CAMTA1: variants seen among roughly 807,000 people sequenced by gnomAD.
The protein encoded by CAMTA1 is calmodulin binding transcription activator 1, also known as calmodulin-binding transcription activator 1.
Under a neutral mutation model 170.9 loss-of-function variants are expected in CAMTA1, and 27 were observed. The ratio of observed to expected loss-of-function variants is 0.16; its 90% CI spans 0.12 to 0.22. The LOEUF (loss-of-function observed/expected upper bound fraction) is 0.22, where lower values mean the gene tolerates loss of function less well. CAMTA1 is among the 10% of genes least tolerant of loss of function. The pLI is 1.00. For synonymous variants in CAMTA1, 833 were observed against 891.5 expected, an observed-to-expected ratio of 0.93 and a Z score of 1.17; for missense variants, 1,619 against 2,217.2, an observed-to-expected ratio of 0.73 and a Z score of 5.42.
chr1:7,670,798 G>A, intron 9 of CAMTA1, 113 bp from the exon 10 acceptor site: 3 of 1,198,606 alleles, frequency 2.5e-6, no homozygotes, highest in Non-Finnish European at 3.5e-6. Flanking sequence ...GAATCTGCAT[G>A]GGGCGAGGGG....
intron 5 of CAMTA1, among the ~76,000 whole-genome samples, chr1:7,464,115 T>C (rs1575464845): frequency 6.6e-6 from 1 of 152,200 alleles, no homozygotes; most frequent in African/African-American, 2.4e-5. Flanking sequence ...GATTCAAAGG[T>C]TGCTTTCATC....
intron 6 of CAMTA1, among the ~76,000 whole-genome samples, chr1:7,586,047 A>G (rs2150434717): frequency 6.6e-6 from 1 of 152,190 alleles, no homozygotes; most frequent in South Asian, 2.1e-4. Context: ...GGCAGTTCCC[A>G]AACAGACAAG....
At chr1:7,525,257 T>G (rs1301500510) in intron 6 of CAMTA1, among the ~76,000 whole-genome samples, 1 of 151,796 alleles carries the variant, frequency 6.6e-6, no homozygotes. Flanking sequence ...GGGAGCAGTG[T>G]GGTGGTCCTC....
chr1:7,434,733 G>A (rs1001512862), intron 5 of CAMTA1, among the ~76,000 whole-genome samples: 22 of 152,076 alleles, frequency 1.4e-4, no homozygotes, highest in South Asian at 6.2e-4. Flanking sequence ...CTCTGTCCCC[G>A]AGTGGTGGAC....
chr1:6,988,672 A>G (rs1285491943), intron 3 of CAMTA1, among the ~76,000 whole-genome samples: 3 of 151,754 alleles, frequency 2.0e-5, no homozygotes, highest in African/African-American at 7.3e-5. Context: ...AATGAGCATC[A>G]TTCTGTGAAG....
rs945616993 is a variant in CAMTA1 at position 7,738,654 on chromosome 1, C to T, written c.4182+172C>T. ...CTTTCCTTGGGGCCACATTTTCATT[C>T]GGTGAATCGGGCACCGGGAGTAGGG... On this transcript the variant is annotated intron_variant, in intron 16 of 22. Transcript: ENST00000303635. The surrounding 1 kb of genome is among the most constrained non-coding windows in gnomAD (Gnocchi z 4.9). 3.3e-5 allele frequency among the ~76,000 whole-genome samples: 5 copies of T among 152,148 alleles called. No homozygotes were observed. The highest frequency in any genetic ancestry group is 2.1e-4 in the South Asian group (1 of 4,826).
rs1576889165 is a variant in CAMTA1 at position 7,688,776 on chromosome 1, A to C, written c.2914+11043A>C. Among the ~76,000 whole-genome samples the C allele has an allele frequency of 2.6e-5, 4 of 152,270 alleles. No individual in the cohort carries two copies. In the Middle Eastern group the frequency reaches 0.01, roughly 388 times the overall value. ...TCTGACCCTTCTGAGCAGCCCAGCA[A>C]CCTTGTCCCCCACATCTGTGACACC... On this transcript the variant is annotated intron_variant, in intron 11 of 22. Transcript: ENST00000303635.
chr1:7,329,849 AG>A (rs1413448843), intron 5 of CAMTA1, among the ~76,000 whole-genome samples: 2 of 152,230 alleles, frequency 1.3e-5, no homozygotes, highest in Non-Finnish European at 2.9e-5. Context: ...CAACACAAAG[AG>A]GGTTTTTCCT....
At chr1:7,122,852 T>C (rs1462013765) in intron 4 of CAMTA1, among the ~76,000 whole-genome samples, 3 of 152,192 alleles carry the variant, frequency 2.0e-5, no homozygotes, top group African/African-American at 7.2e-5. Context: ...CTGGATGCTC[T>C]TCTGTCTTGC....
chr1:7,038,452 G>A (rs931138274), intron 3 of CAMTA1, among the ~76,000 whole-genome samples: 1 of 152,148 alleles, frequency 6.6e-6, no homozygotes, highest in Non-Finnish European at 1.5e-5. Flanking sequence ...GATTTCAAAC[G>A]TATTTCAAAA....
At chr1:7,094,970 C>T (rs1435105278) in intron 4 of CAMTA1, among the ~76,000 whole-genome samples, 1 of 152,100 alleles carries the variant, frequency 6.6e-6, no homozygotes, top group African/African-American at 2.4e-5. Context: ...AGAATGTTCT[C>T]CCAGCTCCTC....
At chr1:7,385,201 T>C (rs2087809449) in intron 5 of CAMTA1, among the ~76,000 whole-genome samples, 1 of 151,604 alleles carries the variant, frequency 6.6e-6, no homozygotes, top group African/African-American at 2.4e-5. Context: ...ACTATTCTCC[T>C]GCCTCAGCCT....
intron 3 of CAMTA1, among the ~76,000 whole-genome samples, chr1:6,828,899 T>G (rs1391513002): frequency 6.9e-6 from 1 of 145,652 alleles, no homozygotes; most frequent in Admixed American, 6.8e-5. Context: ...AGTTTTTTTT[T>G]TTTTTTTTTT....
chr1:6,795,113 C>T (rs1451285182), intron 1 of CAMTA1, among the ~76,000 whole-genome samples: 1 of 152,004 alleles, frequency 6.6e-6, no homozygotes, highest in Non-Finnish European at 1.5e-5. Flanking sequence ...AGTTGGGGGG[C>T]GGCTGTGTCC....
intron 6 of CAMTA1, among the ~76,000 whole-genome samples, chr1:7,554,257 G>C (rs1229781224): frequency 2.6e-5 from 4 of 152,080 alleles, no homozygotes; most frequent in Non-Finnish European, 4.4e-5. Flanking sequence ...CCCCAGAAGT[G>C]GTCATCTTCC....
intron 5 of CAMTA1, among the ~76,000 whole-genome samples, chr1:7,289,439 C>T (rs1440625851): frequency 1.3e-5 from 2 of 152,026 alleles, no homozygotes; most frequent in African/African-American, 4.8e-5. Context: ...GAAGGGGCAC[C>T]CTGTCCTCGG....
intron 11 of CAMTA1, among the ~76,000 whole-genome samples, chr1:7,713,101 A>G (rs2096583467): frequency 6.6e-6 from 1 of 152,210 alleles, no homozygotes; most frequent in African/African-American, 2.4e-5. Flanking sequence ...CTGTCTGTCA[A>G]AGGTTGTCTG....
intron 6 of CAMTA1, among the ~76,000 whole-genome samples, chr1:7,506,727 C>T (rs1348593113): frequency 6.6e-6 from 1 of 151,470 alleles, no homozygotes; most frequent in Non-Finnish European, 1.5e-5. Context: ...TCAAAATTCA[C>T]ACTAGCATCA....
chr1:7,758,751 T>A (rs868782787), intron 22 of CAMTA1, among the ~76,000 whole-genome samples: 2 of 152,032 alleles, frequency 1.3e-5, no homozygotes, highest in Non-Finnish European at 2.9e-5. Flanking sequence ...CTGGCTAACA[T>A]GGTGAAACCC....
Sources: allele counts gnomAD v4.1 joint callset (sites outside exome capture counted in the v4.1 genomes callset), GRCh38; gene constraint gnomAD v4.1.1; non-coding constraint Gnocchi (gnomAD v3.1); transcripts MANE v1.5; gene names NCBI Gene and HGNC (gene_info 2026-07-23, HGNC 2026-07-21).